C7: variants seen among roughly 807,000 people sequenced by gnomAD.
C7 encodes the protein complement component C7.
Under a neutral mutation model 104.8 loss-of-function variants are expected in C7, and 83 were observed. The observed-to-expected ratio is 0.79, with a 90% confidence interval of 0.66 to 0.95. The LOEUF is 0.95. Among genes scored for constraint, C7 ranks in the 40% least tolerant of loss-of-function variants. C7 has a pLI of 0.00. For missense variants in C7, 1,070 were observed against 1,011.2 expected, an observed-to-expected ratio of 1.06 and a Z score of -0.79; for synonymous variants, 415 against 360.6, an observed-to-expected ratio of 1.15 and a Z score of -1.71.
intron 1 of C7, among the ~76,000 whole-genome samples, chr5:40,923,172 T>A (rs1421562375): frequency 6.6e-6 from 1 of 152,168 alleles, no homozygotes; most frequent in African/African-American, 2.4e-5. Flanking sequence ...ATGCTCTGAA[T>A]AGACATTTTT....
chr5:40,918,323 G>A (rs1244754627), intron 1 of C7, among the ~76,000 whole-genome samples: 7 of 151,014 alleles, frequency 4.6e-5, no homozygotes, highest in Admixed American at 6.6e-5. Context: ...TCACACTACC[G>A]CACTCCAGCC....
At chr5:40,909,939 A>G (rs949262775) in intron 1 of C7, among the ~76,000 whole-genome samples, 4 of 140,512 alleles carry the variant, frequency 2.8e-5, no homozygotes, top group African/African-American at 1.1e-4. Context: ...CAATAGTACT[A>G]TTGTTATTTC....
intron 1 of C7, among the ~76,000 whole-genome samples, chr5:40,921,122 G>A (rs1345678275): frequency 6.6e-6 from 1 of 151,676 alleles, no homozygotes; most frequent in Non-Finnish European, 1.5e-5. Flanking sequence ...AAATTTGCAG[G>A]CTACCAAATT....
chr5:40,924,989 A>C (rs556985738), intron 1 of C7, among the ~76,000 whole-genome samples: 3 of 152,096 alleles, frequency 2.0e-5, no homozygotes, highest in East Asian at 1.9e-4. Flanking sequence ...GGCTATTAAC[A>C]CTTGGCTTCC....
rs559811576 is a variant in C7 at position 40,978,457 on chromosome 5, G to T, written c.2166-1268G>T. ...CTGCAGCTCGTTGTTAATAGTTATG[G>T]TATACATTTCCATGTCATTCCATGG... On this transcript the variant is annotated intron_variant, in intron 16 of 17. Transcript: ENST00000313164. 1.5e-4 allele frequency among the ~76,000 whole-genome samples: 23 copies of T among 152,138 alleles called. No homozygotes were observed. In the East Asian group the frequency reaches 2.9e-3, roughly 19 times the overall value.
At position 40,945,289 on chromosome 5, in the gene C7, G is replaced by A. The variant is rs369349760; in HGVS notation, c.659G>A (p.Arg220Gln). 1.3e-4 allele frequency: 207 copies of A among 1,607,242 alleles called. 1 individual carries two copies. The Middle Eastern group carries it at 1.8e-3, about 14-fold the overall frequency. Residue 220 changes from arginine to glutamine, a missense_variant, in exon 7 of 18, where the codon CGG becomes CAG. By Grantham distance (43) the Arg-to-Gln change is conservative. Transcript: ENST00000313164. ...HTSTEHTSSS[R>Q]KRSFFRSSSS... ...TCGACAGAACACACATCATCTAGTCGGAAGCGCTCCTTTTTTAGATCTTCA... is the reference window on the plus strand; with the variant it reads ...TCGACAGAACACACATCATCTAGTCAGAAGCGCTCCTTTTTTAGATCTTCA...
At chr5:40,963,329 T>G (rs1184274052) in intron 13 of C7, among the ~76,000 whole-genome samples, 2 of 152,194 alleles carry the variant, frequency 1.3e-5, no homozygotes, top group Admixed American at 6.5e-5. Context: ...TTTCTACAAG[T>G]GATTATGATA....
At chr5:40,958,701 C>G (rs1717872988) in intron 11 of C7, among the ~76,000 whole-genome samples, 1 of 152,158 alleles carries the variant, frequency 6.6e-6, no homozygotes, top group African/African-American at 2.4e-5. Flanking sequence ...GCTGTGTGCT[C>G]TACGGTGTAT....
intron 3 of C7, 89 bp from the exon 4 acceptor site, chr5:40,934,236 T>G: frequency 7.8e-7 from 1 of 1,280,624 alleles, no homozygotes; most frequent in Non-Finnish European, 1.0e-6. Flanking sequence ...TTACTTTTTC[T>G]CAGATTTTAT....
chr5:40,957,332 A>G (rs1432066974), intron 10 of C7, among the ~76,000 whole-genome samples: 1 of 152,234 alleles, frequency 6.6e-6, no homozygotes, highest in Non-Finnish European at 1.5e-5. Context: ...AAATTTCTCC[A>G]TGAGGAAAGA....
At chr5:40,937,495 A>G in intron 5 of C7, 57 bp from the exon 6 acceptor site, 1 of 1,538,880 alleles carries the variant, frequency 6.5e-7, no homozygotes, top group Non-Finnish European at 8.7e-7. Context: ...ACCAAGTGCT[A>G]TTTCTGGTTT....
chr5:40,982,878 T>C lies in C7; in HGVS notation c.*1305T>C, dbSNP rs996623263. 1.3e-5 allele frequency: 2 copies of C among 152,360 alleles called. No homozygotes were observed. Among genetic ancestry groups the C allele is most frequent in the Admixed American group, 6.5e-5 (1 of 15,284 alleles). 9.4% of individuals were successfully genotyped at this position (152,360 alleles called of 1,614,324 possible). On this transcript the variant is annotated 3_prime_UTR_variant, in exon 18 of 18. Coordinates refer to ENST00000313164, the MANE Select transcript of C7 (RefSeq NM_000587.4). ...TCTGTATTGTTCTGACCCTGGTAAA[T>C]ATATTTCAAAACTTCAGATGACAAG...
At chr5:40,959,329 GA>G (rs1458511528) in intron 11 of C7, 119 bp from the exon 12 acceptor site, 1 of 846,794 alleles carries the variant, frequency 1.2e-6, no homozygotes, top group African/African-American at 1.7e-5. Context: ...AATGAAGAGT[GA>G]AGGTAATCAA....
At chr5:40,973,472 A>T (rs1261010489) in intron 15 of C7, among the ~76,000 whole-genome samples, 2 of 152,200 alleles carry the variant, frequency 1.3e-5, no homozygotes, top group Non-Finnish European at 2.9e-5. Context: ...GGTGAATTAG[A>T]TGTTTCTAAC....
intron 7 of C7, 39 bp downstream of exon 7, chr5:40,945,407 T>C: frequency 1.4e-6 from 2 of 1,412,060 alleles, no homozygotes; most frequent in African/African-American, 1.5e-5. Context: ...CATGTTTTAC[T>C]TTTTTAAGTA....
At chr5:40,972,355 G>A in intron 14 of C7, 48 bp from the exon 15 acceptor site, 1 of 1,501,188 alleles carries the variant, frequency 6.7e-7, no homozygotes. Flanking sequence ...TTAAAAAGAT[G>A]GTTTAGGAGA....
At chr5:40,913,958 C>T (rs950452585) in intron 1 of C7, among the ~76,000 whole-genome samples, 5 of 152,030 alleles carry the variant, frequency 3.3e-5, no homozygotes, top group African/African-American at 1.2e-4. Flanking sequence ...GGATTACAGG[C>T]GTGAGTCACT....
intron 11 of C7, 34 bp downstream of exon 11, chr5:40,958,295 A>G (rs971621360): frequency 7.4e-7 from 1 of 1,355,098 alleles, no homozygotes; most frequent in Non-Finnish European, 1.0e-6. Context: ...GCCACCCTGT[A>G]CACATTGAAA....
chr5:40,929,662 C>A (rs551618910), intron 2 of C7, among the ~76,000 whole-genome samples: 1 of 152,178 alleles, frequency 6.6e-6, no homozygotes, highest in Non-Finnish European at 1.5e-5. Flanking sequence ...TTTAGGCAAG[C>A]CTTCCTTAGT....
Sources: gnomAD v4.1 joint callset for allele counts (sites outside exome capture counted in the v4.1 genomes callset) on GRCh38, gnomAD v4.1.1 for gene constraint, MANE v1.5 for transcripts, NCBI Gene and HGNC (gene_info 2026-07-23, HGNC 2026-07-21) for gene names.